The following SHISA6 variants were observed in gnomAD, a reference collection of about 807,000 sequenced individuals.
SHISA6 encodes protein shisa-6.
Under a neutral mutation model 47.9 loss-of-function variants are expected in SHISA6, and 22 were observed. The ratio of observed to expected loss-of-function variants is 0.46; its 90% CI spans 0.33 to 0.66. SHISA6 has a LOEUF of 0.66. Ranked by LOEUF, SHISA6 falls within the 30% of genes least tolerant of loss-of-function variation. The pLI is 0.02. For synonymous variants in SHISA6, 388 were observed against 337.8 expected, an observed-to-expected ratio of 1.15 and a Z score of -1.63; for missense variants, 680 against 764.6, an observed-to-expected ratio of 0.89 and a Z score of 1.30.
At chr17:11,253,956 C>T (rs2142139119) in intron 1 of SHISA6, among the ~76,000 whole-genome samples, 1 of 152,212 alleles carries the variant, frequency 6.6e-6, no homozygotes, top group Non-Finnish European at 1.5e-5. Flanking sequence ...CTCTCAGTGG[C>T]CTAAGGACTC....
intron 3 of SHISA6, among the ~76,000 whole-genome samples, chr17:11,500,658 G>C (rs749315696): frequency 1.3e-5 from 2 of 152,176 alleles, no homozygotes; most frequent in African/African-American, 2.4e-5. Context: ...TAGCCACTAG[G>C]AACATGTGGC....
At chr17:11,412,900 C>A (rs2142274377) in intron 3 of SHISA6, among the ~76,000 whole-genome samples, 2 of 152,260 alleles carry the variant, frequency 1.3e-5, no homozygotes, top group South Asian at 4.1e-4. Flanking sequence ...GTGGCCAGGG[C>A]ATGCATGCAA....
intron 2 of SHISA6, among the ~76,000 whole-genome samples, chr17:11,271,741 T>C (rs1194915786): frequency 6.6e-6 from 1 of 151,570 alleles, no homozygotes. Context: ...ATTACAGGCG[T>C]GAGCCACCAC....
At position 11,555,899 on chromosome 17, in the gene SHISA6, T is replaced by C. The variant is rs1217202956; in HGVS notation, c.1105+7T>C. On this transcript the variant is annotated splice_region_variant and intron_variant, in intron 5 of 5. Transcript: ENST00000441885. ...TCATCTCTGAAGAGGCTAAGTAAGT[T>C]GAATTTCCCCCAAGTTGGGGTCTGT... 1.3e-6 allele frequency: 2 copies of C among 1,515,424 alleles called. No homozygotes were observed. Among genetic ancestry groups the C allele is most frequent in the African/African-American group, 2.8e-5 (2 of 71,722 alleles). 93.9% of individuals were successfully genotyped at this position (1,515,424 alleles called of 1,614,324 possible).
chr17:11,412,541 TC>T (rs764346388), intron 3 of SHISA6, among the ~76,000 whole-genome samples: 4 of 134,268 alleles, frequency 3.0e-5, no homozygotes, highest in South Asian at 4.7e-4. Context: ...CACTTAGACT[TC>T]TTCTTTTTTT....
chr17:11,510,092 G>A (rs1054762643), intron 3 of SHISA6, among the ~76,000 whole-genome samples: 1 of 151,978 alleles, frequency 6.6e-6, no homozygotes. Flanking sequence ...GACAATACCA[G>A]TAACTTGGTA....
At chr17:11,453,984 T>C (rs1915467344) in intron 3 of SHISA6, among the ~76,000 whole-genome samples, 1 of 152,190 alleles carries the variant, frequency 6.6e-6, no homozygotes, top group African/African-American at 2.4e-5. Flanking sequence ...AATTTTCACT[T>C]CTCTTGGGTA....
chr17:11,304,285 G>A (rs779674021), intron 2 of SHISA6, among the ~76,000 whole-genome samples: 22 of 152,200 alleles, frequency 1.4e-4, no homozygotes, highest in Non-Finnish European at 2.6e-4. Flanking sequence ...GAAGTGGTGC[G>A]AACAGGAAGA....
chr17:11,550,985 T>C (rs925766862), intron 3 of SHISA6, among the ~76,000 whole-genome samples: 1 of 151,856 alleles, frequency 6.6e-6, no homozygotes, highest in Non-Finnish European at 1.5e-5. Flanking sequence ...TGTAAAGAAA[T>C]GAAAGCAGAT....
chr17:11,344,240 G>A (rs748560651), intron 2 of SHISA6, among the ~76,000 whole-genome samples: 1 of 152,140 alleles, frequency 6.6e-6, no homozygotes, highest in African/African-American at 2.4e-5. Flanking sequence ...ATCACATATA[G>A]AATTTGTAAA....
At chr17:11,437,520 T>C (rs1305395208) in intron 3 of SHISA6, among the ~76,000 whole-genome samples, 2 of 152,198 alleles carry the variant, frequency 1.3e-5, no homozygotes, top group Non-Finnish European at 2.9e-5. Flanking sequence ...TTTTCTTTGC[T>C]CTTTATCCCA....
At chr17:11,417,273 G>T (rs1179149712) in intron 3 of SHISA6, among the ~76,000 whole-genome samples, 2 of 152,158 alleles carry the variant, frequency 1.3e-5, no homozygotes, top group Non-Finnish European at 2.9e-5. Context: ...AACAAAACAA[G>T]TAATTATTAA....
chr17:11,283,634 A>G (rs1909198324), intron 2 of SHISA6, among the ~76,000 whole-genome samples: 1 of 152,226 alleles, frequency 6.6e-6, no homozygotes, highest in South Asian at 2.1e-4. Context: ...TAACCCTAGC[A>G]CCATGCCATA....
chr17:11,341,643 A>G (rs1911533168), intron 2 of SHISA6, among the ~76,000 whole-genome samples: 1 of 152,030 alleles, frequency 6.6e-6, no homozygotes, highest in Non-Finnish European at 1.5e-5. Flanking sequence ...CAGGAATCCC[A>G]TTCTCTAAGT....
Position 11,241,643 on chromosome 17 carries a change from G to C in SHISA6, c.221G>C (p.Arg74Pro), listed in dbSNP as rs768475439. ...GGAATCCCGGAGGCGGGAAGCCGGC[G>C]GGGGCAGCCCGCGGCGGCTGTGGCG... The part of the protein sequence containing the change: ...APGIPEAGSR[R>P]GQPAAAVAAA... Residue 74 changes from arginine (R) to proline (P), a missense_variant, in exon 1 of 6, where the codon CGG becomes CCG. Physicochemically the swap from Arg to Pro is moderately radical, Grantham distance 103. Around this residue, in one of 2 missense-constraint regions of SHISA6, gnomAD observed 559 missense variants for 674.1 expected, o/e 0.83. Coordinates refer to ENST00000441885, the MANE Select transcript of SHISA6 (RefSeq NM_207386.4). This position sits in a 1 kb window ranked among gnomAD's most constrained non-coding sequence, Gnocchi z 5.5. 1.7e-5 allele frequency: 23 copies of C among 1,382,316 alleles called. No individual in the cohort carries two copies. The Admixed American group carries it at 7.3e-4, about 44-fold the overall frequency. 85.6% of individuals were successfully genotyped at this position (1,382,316 alleles called of 1,614,324 possible).
chr17:11,263,047 C>T (rs1411913268), intron 1 of SHISA6, among the ~76,000 whole-genome samples: 1 of 152,192 alleles, frequency 6.6e-6, no homozygotes. Flanking sequence ...TGGCCAGCTG[C>T]TATAGATACC....
intron 2 of SHISA6, among the ~76,000 whole-genome samples, chr17:11,369,542 GC>G (rs1309795173): frequency 6.6e-6 from 1 of 152,210 alleles, no homozygotes; most frequent in Non-Finnish European, 1.5e-5. Context: ...TGCCCCATGG[GC>G]TAACACACCA....
Position 11,515,396 on chromosome 17 carries a change from C to T in SHISA6, c.896-36500C>T, listed in dbSNP as rs889285714. On this transcript the variant is annotated intron_variant, in intron 3 of 5. Transcript: ENST00000441885. ...AAAATGCTCCAAATAACCACTAAGA[C>T]TTTACTTATTGGATCCCCTGAATAG... 2.0e-5 allele frequency among the ~76,000 whole-genome samples: 3 copies of T among 151,424 alleles called. No individual in the cohort carries two copies. In the Middle Eastern group the frequency reaches 0.01, roughly 515 times the overall value.
chr17:11,244,102 A>C (rs951828692), intron 1 of SHISA6, among the ~76,000 whole-genome samples: 1 of 152,076 alleles, frequency 6.6e-6, no homozygotes, highest in Non-Finnish European at 1.5e-5. Flanking sequence ...GGTGAAGGTG[A>C]TTACGGCATT....
Sources: allele counts gnomAD v4.1 joint callset (sites outside exome capture counted in the v4.1 genomes callset), GRCh38; gene constraint gnomAD v4.1.1; regional missense constraint gnomAD v4.1.1; non-coding constraint Gnocchi (gnomAD v3.1); transcripts MANE v1.5; gene names NCBI Gene and HGNC (gene_info 2026-07-23, HGNC 2026-07-21).